The following CHCHD3 variants were observed in gnomAD, a reference collection of about 807,000 sequenced individuals.
CHCHD3 encodes the protein coiled-coil-helix-coiled-coil-helix domain containing 3.
CHCHD3 carries 20 observed loss-of-function variants against 38.2 expected under a neutral mutation model. That is an observed-to-expected ratio of 0.52 (90% CI 0.37 to 0.76). The LOEUF is 0.76. Among genes scored for constraint, CHCHD3 ranks in the 30% least tolerant of loss-of-function variants. CHCHD3 has a pLI of 0.00. For synonymous variants in CHCHD3, 82 were observed against 100.0 expected (o/e 0.82, Z 1.07); for missense variants, 245 against 279.2 (o/e 0.88, Z 0.87).
chr7:133,021,079 A>G (rs1297929548), intron 3 of CHCHD3, among the ~76,000 whole-genome samples: 1 of 152,088 alleles, frequency 6.6e-6, no homozygotes, highest in East Asian at 1.9e-4. Context: ...TAACAACCAA[A>G]AATATCTCCA....
chr7:132,960,553 A>C (rs1411079974), intron 4 of CHCHD3, among the ~76,000 whole-genome samples: 1 of 152,198 alleles, frequency 6.6e-6, no homozygotes, highest in Non-Finnish European at 1.5e-5. Flanking sequence ...ATGACAGGGA[A>C]TGATGGGAAA....
At chr7:132,814,549 C>T (rs1807151300) in intron 6 of CHCHD3, among the ~76,000 whole-genome samples, 1 of 152,220 alleles carries the variant, frequency 6.6e-6, no homozygotes, top group African/African-American at 2.4e-5. Flanking sequence ...ATTCTCCTTT[C>T]TATAAATGCA....
intron 2 of CHCHD3, among the ~76,000 whole-genome samples, chr7:133,038,844 C>T (rs1276477766): frequency 6.6e-6 from 1 of 152,232 alleles, no homozygotes; most frequent in Admixed American, 6.5e-5. Flanking sequence ...AAATTGTCCA[C>T]TTTGGCTATG....
chr7:132,836,259 A>T (rs1052407260), intron 6 of CHCHD3, among the ~76,000 whole-genome samples: 1 of 152,186 alleles, frequency 6.6e-6, no homozygotes, highest in African/African-American at 2.4e-5. Context: ...AGCTGGGATT[A>T]CAGGCATGCA....
At chr7:132,972,081 G>A (rs1462864643) in intron 4 of CHCHD3, among the ~76,000 whole-genome samples, 1 of 152,158 alleles carries the variant, frequency 6.6e-6, no homozygotes, top group African/African-American at 2.4e-5. Flanking sequence ...TATACATATG[G>A]GGAAGGGAGA....
At chr7:132,930,145 C>T (rs1261899727) in intron 4 of CHCHD3, among the ~76,000 whole-genome samples, 3 of 150,700 alleles carry the variant, frequency 2.0e-5, no homozygotes, top group African/African-American at 7.3e-5. Flanking sequence ...CTTCCTCCTT[C>T]TTAACCTCCC....
intron 4 of CHCHD3, among the ~76,000 whole-genome samples, chr7:132,892,468 C>T (rs1809385821): frequency 6.6e-6 from 1 of 152,272 alleles, no homozygotes; most frequent in South Asian, 2.1e-4. Flanking sequence ...GGCAGCCTGA[C>T]CATGTGGTAG....
intron 4 of CHCHD3, among the ~76,000 whole-genome samples, chr7:132,932,977 T>C (rs758895365): frequency 2.6e-5 from 4 of 152,026 alleles, no homozygotes; most frequent in Non-Finnish European, 5.9e-5. Context: ...AAAAAGAAAA[T>C]GGCAAAAAGC....
chr7:132,832,672 C>T (rs772833765), intron 6 of CHCHD3, among the ~76,000 whole-genome samples: 1 of 152,174 alleles, frequency 6.6e-6, no homozygotes, highest in Non-Finnish European at 1.5e-5. Context: ...TTGATATTTG[C>T]TTTACATTTA....
At chr7:132,942,292 C>T (rs1393711627) in intron 4 of CHCHD3, among the ~76,000 whole-genome samples, 3 of 152,076 alleles carry the variant, frequency 2.0e-5, no homozygotes, top group Non-Finnish European at 4.4e-5. Context: ...GACAAGAACA[C>T]GGGTTGATGT....
chr7:133,061,715 C>G (rs1814521523), intron 2 of CHCHD3, among the ~76,000 whole-genome samples: 1 of 152,172 alleles, frequency 6.6e-6, no homozygotes. Context: ...TTTCAAGCTC[C>G]AATCATTTGA....
chr7:132,965,206 A>C (rs1670596376), intron 4 of CHCHD3, among the ~76,000 whole-genome samples: 1 of 152,132 alleles, frequency 6.6e-6, no homozygotes, highest in African/African-American at 2.4e-5. Flanking sequence ...TAATGTAATA[A>C]ATCAAATCCA....
At chr7:132,894,725 T>C (rs1386195233) in intron 4 of CHCHD3, among the ~76,000 whole-genome samples, 2 of 152,240 alleles carry the variant, frequency 1.3e-5, no homozygotes, top group Non-Finnish European at 2.9e-5. Flanking sequence ...CAAGAGTTTG[T>C]ACAAAGTAAG....
chr7:133,049,089 C>A lies in CHCHD3; in HGVS notation c.169+21053G>T, dbSNP rs2117496507. Among the ~76,000 whole-genome samples the A allele has an allele frequency of 2.0e-5, 3 of 152,324 alleles. No individual in the cohort carries two copies. The South Asian group carries it at 6.2e-4, about 32-fold the overall frequency. Reference sequence around the variant, plus strand: ...CCCTTCACCCAAACTTCCCAATTAACATTTCACCAGATATATTTGATCATT... The same window carrying A: ...CCCTTCACCCAAACTTCCCAATTAAAATTTCACCAGATATATTTGATCATT... On this transcript the variant is annotated intron_variant, in intron 2 of 7. Transcript: ENST00000262570.
intron 2 of CHCHD3, among the ~76,000 whole-genome samples, chr7:133,044,319 A>T (rs1813914925): frequency 6.6e-6 from 1 of 152,240 alleles, no homozygotes; most frequent in African/African-American, 2.4e-5. Flanking sequence ...GCGCTCTCCA[A>T]AACATTGTCA....
chr7:133,066,434 T>C (rs1219170125), intron 2 of CHCHD3, among the ~76,000 whole-genome samples: 1 of 152,016 alleles, frequency 6.6e-6, no homozygotes, highest in Non-Finnish European at 1.5e-5. Context: ...TTTGTATTTT[T>C]AGTAGAGATA....
chr7:132,828,769 A>G (rs1403148268), intron 6 of CHCHD3, among the ~76,000 whole-genome samples: 1 of 152,204 alleles, frequency 6.6e-6, no homozygotes, highest in Admixed American at 6.5e-5. Context: ...TAGGCTTACC[A>G]AACTCTGGAG....
chr7:133,056,839 T>A (rs1027406528), intron 2 of CHCHD3, among the ~76,000 whole-genome samples: 20 of 152,324 alleles, frequency 1.3e-4, no homozygotes, highest in African/African-American at 3.8e-4. Context: ...TTGGCATTAG[T>A]CTCCCCATTT....
At position 132,984,928 on chromosome 7, in the gene CHCHD3, G is replaced by A. The variant is rs1205743401; in HGVS notation, c.252-9642C>T. 1.4e-4 allele frequency among the ~76,000 whole-genome samples: 12 copies of A among 85,350 alleles called. 1 individual carries two copies. The highest frequency in any genetic ancestry group is 3.5e-4 in the Admixed American group (3 of 8,690). 56.0% of individuals were successfully genotyped at this position (85,350 alleles called of 152,430 possible). A position where few individuals can be genotyped will look rare whatever the true frequency, so the allele number is the denominator to read the frequency against. ...GGGTCAGCCCCCCGCCCGGCCAGCC[G>A]CCCCGTCCGGGAGGTGAGGGGCGCC... On this transcript the variant is annotated intron_variant, in intron 3 of 7. Coordinates refer to ENST00000262570, the MANE Select transcript of CHCHD3 (RefSeq NM_017812.4).
Sources: allele counts gnomAD v4.1 joint callset (sites outside exome capture counted in the v4.1 genomes callset), GRCh38; gene constraint gnomAD v4.1.1; transcripts MANE v1.5; gene names NCBI Gene and HGNC (gene_info 2026-07-23, HGNC 2026-07-21).